NCALD: variants seen among roughly 807,000 people sequenced by gnomAD.
The protein encoded by NCALD is neurocalcin-delta.
A neutral mutation model predicts 18.6 loss-of-function variants in NCALD; 10 were observed. That is an observed-to-expected ratio of 0.54 (90% CI 0.33 to 0.91). The LOEUF is 0.91. Among genes scored for constraint, NCALD ranks in the 40% least tolerant of loss-of-function variants. The pLI is 0.03. For missense variants in NCALD, 184 were observed against 247.6 expected (o/e 0.74, Z 1.72); for synonymous variants, 88 against 87.4 (o/e 1.01, Z -0.04).
intron 1 of NCALD, among the ~76,000 whole-genome samples, chr8:102,113,970 G>A (rs971248754): frequency 5.9e-5 from 9 of 152,364 alleles, no homozygotes; most frequent in African/African-American, 1.7e-4. Flanking sequence ...TCAGAGAAGA[G>A]TAGCGAGTGT....
At chr8:101,783,327 G>A (rs1332648326) in intron 1 of NCALD, among the ~76,000 whole-genome samples, 1 of 152,184 alleles carries the variant, frequency 6.6e-6, no homozygotes, top group African/African-American at 2.4e-5. Flanking sequence ...AGGACACAAG[G>A]ACCACATTTC....
intron 4 of NCALD, among the ~76,000 whole-genome samples, chr8:101,881,681 G>T (rs928068556): frequency 1.3e-5 from 2 of 151,472 alleles, no homozygotes; most frequent in African/African-American, 4.9e-5. Flanking sequence ...AAACCACTAA[G>T]TTTTAAACTT....
At chr8:101,961,223 A>C (rs1819823279) in intron 2 of NCALD, among the ~76,000 whole-genome samples, 1 of 152,190 alleles carries the variant, frequency 6.6e-6, no homozygotes, top group South Asian at 2.1e-4. Context: ...AATATAAGTA[A>C]AATATTTAGC....
At position 101,965,268 on chromosome 8, in the gene NCALD, A is replaced by G. The variant is rs192955056; in HGVS notation, c.-156-49410T>C. ...ACCCAGCAATCCCATTACTGGGTATATATCCAAAGGATTATAAATCATACT... is the reference window on the plus strand; with the variant it reads ...ACCCAGCAATCCCATTACTGGGTATGTATCCAAAGGATTATAAATCATACT... On this transcript the variant is annotated intron_variant, in intron 2 of 6. Coordinates refer to the NCALD transcript ENST00000311028. Among the ~76,000 whole-genome samples, 669 of 152,332 alleles carry G rather than the reference A, an allele frequency of 4.4e-3. 6 individuals are homozygous for G. The highest frequency in any genetic ancestry group is 0.015 in the African/African-American group (622 of 41,568).
chr8:101,874,888 C>T (rs771120051), intron 4 of NCALD, among the ~76,000 whole-genome samples: 5 of 151,638 alleles, frequency 3.3e-5, no homozygotes, highest in Non-Finnish European at 5.9e-5. Context: ...GGGGTATAAG[C>T]GGAAAAAACA....
At chr8:102,112,119 C>A (rs1293435720) in intron 1 of NCALD, among the ~76,000 whole-genome samples, 1 of 152,148 alleles carries the variant, frequency 6.6e-6, no homozygotes, top group Non-Finnish European at 1.5e-5. Context: ...ATTTGTGATA[C>A]CTTGTATGAG....
At chr8:101,923,532 G>A (rs1818238221) in intron 2 of NCALD, among the ~76,000 whole-genome samples, 1 of 152,134 alleles carries the variant, frequency 6.6e-6, no homozygotes, top group Non-Finnish European at 1.5e-5. Context: ...TGTCAAGTTG[G>A]TCCTAACTTT....
At chr8:102,093,127 C>A (rs1459513638) in intron 1 of NCALD, among the ~76,000 whole-genome samples, 2 of 151,898 alleles carry the variant, frequency 1.3e-5, no homozygotes, top group African/African-American at 4.8e-5. Flanking sequence ...CCACTGCACT[C>A]CAGCCAGAGC....
At chr8:101,950,332 G>A (rs1359034841) in intron 2 of NCALD, 1 of 152,108 alleles carries the variant, frequency 6.6e-6, no homozygotes, top group Non-Finnish European at 1.5e-5. Context: ...ATCCCCAAAT[G>A]GCTCAGGAAT....
At chr8:101,841,918 G>A (rs1471918885) in intron 4 of NCALD, among the ~76,000 whole-genome samples, 2 of 152,066 alleles carry the variant, frequency 1.3e-5, no homozygotes, top group African/African-American at 4.8e-5. Flanking sequence ...AAGAATACGG[G>A]GGAAATGAAA....
chr8:101,711,620 G>A (rs557304505), intron 2 of NCALD, among the ~76,000 whole-genome samples: 2 of 151,870 alleles, frequency 1.3e-5, no homozygotes, highest in South Asian at 2.1e-4. Flanking sequence ...ACTTTGTGAA[G>A]CATACACAAG....
chr8:101,879,526 G>A (rs927398317), intron 4 of NCALD, among the ~76,000 whole-genome samples: 1 of 152,174 alleles, frequency 6.6e-6, no homozygotes, highest in African/African-American at 2.4e-5. Flanking sequence ...GCAACAGCAA[G>A]AGCTGCAAAA....
intron 4 of NCALD, among the ~76,000 whole-genome samples, chr8:101,854,759 A>G (rs889778373): frequency 6.6e-6 from 1 of 152,238 alleles, no homozygotes; most frequent in African/African-American, 2.4e-5. Flanking sequence ...TTGATATAAC[A>G]TCATATAGCT....
chr8:101,717,126 T>A (rs545593996), intron 2 of NCALD, among the ~76,000 whole-genome samples: 1 of 152,230 alleles, frequency 6.6e-6, no homozygotes, highest in Non-Finnish European at 1.5e-5. Flanking sequence ...AGAGGGGAAC[T>A]AATTTGGTAT....
intron 4 of NCALD, chr8:101,852,441 T>A (rs1363788203): frequency 6.6e-6 from 1 of 152,234 alleles, no homozygotes; most frequent in Non-Finnish European, 1.5e-5. Flanking sequence ...AACCCAGCTC[T>A]GGCTCTGGAA....
chr8:102,029,528 C>T (rs141121734), intron 1 of NCALD, among the ~76,000 whole-genome samples: 23 of 152,298 alleles, frequency 1.5e-4, no homozygotes, highest in African/African-American at 4.8e-4. Context: ...TTTTCAAAAT[C>T]GCCTTTATTC....
intron 3 of NCALD, among the ~76,000 whole-genome samples, chr8:101,911,287 GA>G (rs1302709878): frequency 6.7e-6 from 1 of 149,154 alleles, no homozygotes; most frequent in East Asian, 2.0e-4. Flanking sequence ...AAAAAGAGGA[GA>G]AGGGGGGAGA....
intron 1 of NCALD, among the ~76,000 whole-genome samples, chr8:102,118,275 C>G (rs1331162584): frequency 1.3e-5 from 2 of 152,224 alleles, no homozygotes; most frequent in South Asian, 2.1e-4. Context: ...GCAGCCCTGT[C>G]CCCTGAACAA....
chr8:102,031,095 T>C (rs940026100), intron 1 of NCALD, among the ~76,000 whole-genome samples: 10 of 152,192 alleles, frequency 6.6e-5, no homozygotes, highest in African/African-American at 2.4e-4. Flanking sequence ...AAAACACACC[T>C]ATAATCTTGC....
Sources: allele counts gnomAD v4.1 joint callset (sites outside exome capture counted in the v4.1 genomes callset), GRCh38; gene constraint gnomAD v4.1.1; transcripts MANE v1.5; gene names NCBI Gene and HGNC (gene_info 2026-07-23, HGNC 2026-07-21).